The following PRIM2 variants were observed in gnomAD, a reference collection of about 807,000 sequenced individuals.
The protein encoded by PRIM2 is DNA primase large subunit.
PRIM2 carries 39 observed loss-of-function variants against 67.3 expected under a neutral mutation model. That is an observed-to-expected ratio of 0.58 (90% CI 0.45 to 0.76). The LOEUF (loss-of-function observed/expected upper bound fraction) is 0.76. Among genes scored for constraint, PRIM2 ranks in the 30% least tolerant of loss-of-function variants. The pLI, the probability that PRIM2 is intolerant of heterozygous loss-of-function variation, is 0.00. For missense variants in PRIM2, 398 were observed against 598.7 expected, an observed-to-expected ratio of 0.66 and a Z score of 3.50; for synonymous variants, 143 against 198.7, an observed-to-expected ratio of 0.72 and a Z score of 2.36.
At chr6:57,434,928 C>A (rs1771964944) in intron 7 of PRIM2, 1 of 150,730 alleles carries the variant, frequency 6.6e-6, no homozygotes, top group African/African-American at 2.4e-5. Flanking sequence ...GCACATGCCA[C>A]CATACTCAGC....
chr6:57,312,943 A>AT (rs879645787), upstream of PRIM2, among the ~76,000 whole-genome samples: 2 of 151,972 alleles, frequency 1.3e-5, no homozygotes, highest in African/African-American at 4.8e-5. Context: ...AGAATTGTCT[A>AT]TTTTTTTCTT....
At chr6:57,430,069 G>A (rs543826153) in intron 7 of PRIM2, among the ~76,000 whole-genome samples, 5 of 152,104 alleles carry the variant, frequency 3.3e-5, no homozygotes, top group African/African-American at 1.2e-4. Context: ...GGGGATAAAG[G>A]GCATTTGGTA....
the PRIM2 span, among the ~76,000 whole-genome samples, chr6:57,298,660 TGAG>T: frequency 6.6e-6 from 1 of 152,168 alleles, no homozygotes; most frequent in Non-Finnish European, 1.5e-5. Context: ...CTCCATATTA[TGAG>T]GAGGATTTTC....
intron 7 of PRIM2, among the ~76,000 whole-genome samples, chr6:57,458,025 C>T (rs1216324346): frequency 2.6e-5 from 4 of 152,142 alleles, no homozygotes; most frequent in African/African-American, 7.2e-5. Context: ...TTCCTTTGCT[C>T]GTTACACAGT....
chr6:57,506,185 G>A (rs1349069139), intron 7 of PRIM2, among the ~76,000 whole-genome samples: 1 of 150,794 alleles, frequency 6.6e-6, no homozygotes, highest in Non-Finnish European at 1.5e-5. Context: ...TGCTAAAATT[G>A]TAGCAGATTA....
chr6:57,438,434 A>G (rs914518066), intron 7 of PRIM2, among the ~76,000 whole-genome samples: 1 of 152,224 alleles, frequency 6.6e-6, no homozygotes, highest in Non-Finnish European at 1.5e-5. Context: ...TACATCTTCA[A>G]TAAAGAGCTG....
chr6:57,361,823 G>T (rs559820196), intron 5 of PRIM2, among the ~76,000 whole-genome samples: 2 of 152,276 alleles, frequency 1.3e-5, no homozygotes, highest in South Asian at 4.1e-4. Context: ...AGCAGGAAAA[G>T]ACTGATTTCA....
chr6:57,583,504 C>G (rs1175217721), intron 10 of PRIM2, among the ~76,000 whole-genome samples: 8 of 151,766 alleles, frequency 5.3e-5, no homozygotes, highest in Non-Finnish European at 1.2e-4. Flanking sequence ...AGGACATGAA[C>G]TCATCATTTC....
chr6:57,382,157 A>G lies in PRIM2; in HGVS notation c.682A>G (p.Lys228Glu). 4.3e-6 allele frequency: 7 copies of G among 1,613,134 alleles called. No homozygotes were observed. Among genetic ancestry groups the G allele is most frequent in the Non-Finnish European group, 5.9e-6 (7 of 1,179,380 alleles). The change falls in exon 7 of 14, where the codon AAG (lysine) becomes GAG (glutamate). Residue 228 changes from lysine to glutamate, a missense_variant. Lys to Glu is a moderately conservative substitution (Grantham distance 56). Around this residue, in one of 4 missense-constraint regions of PRIM2, gnomAD observed 229 missense variants for 383.6 expected, o/e 0.60. Coordinates refer to ENST00000615550, the MANE Select transcript of PRIM2 (RefSeq NM_000947.5). ...GAATGAATTTAGAGCCAAACTGTCC[A>G]AGGCTTTGGCAGTGAGTATTTTACT... ...ILNEFRAKLS[K>E]ALALTARSLP...
chr6:57,565,555 A>G (rs1775720431), intron 10 of PRIM2, among the ~76,000 whole-genome samples: 1 of 151,968 alleles, frequency 6.6e-6, no homozygotes, highest in African/African-American at 2.4e-5. Context: ...TCAGGCAGAC[A>G]GGAGAATTCT....
chr6:57,530,025 C>T (rs1218800583), intron 8 of PRIM2, among the ~76,000 whole-genome samples: 5 of 151,904 alleles, frequency 3.3e-5, no homozygotes. Context: ...TTTGTAAAGC[C>T]ACAAGTTTCC....
In PRIM2 at chr6:57,634,809, A is replaced by G. The variant is rs1469836757; in HGVS notation, c.1299+2608A>G. ...TGCCAATTTTTAAAACTTGCTTTAC[A>G]TTAATGAAGATTTTGGAAAGACATA... On this transcript the variant is annotated intron_variant, in intron 13 of 13. Transcript: ENST00000615550. 9.2e-5 allele frequency among the ~76,000 whole-genome samples: 14 copies of G among 152,276 alleles called. No homozygotes were observed. In the East Asian group the frequency reaches 2.5e-3, roughly 27 times the overall value.
At chr6:57,502,369 C>T (rs1774150817) in intron 7 of PRIM2, among the ~76,000 whole-genome samples, 1 of 152,202 alleles carries the variant, frequency 6.6e-6, no homozygotes, top group Non-Finnish European at 1.5e-5. Flanking sequence ...CCAACATTCC[C>T]TCCTGACAAG....
chr6:57,414,568 T>C (rs1489714991), intron 7 of PRIM2, among the ~76,000 whole-genome samples: 3 of 152,152 alleles, frequency 2.0e-5, no homozygotes, highest in Non-Finnish European at 4.4e-5. Flanking sequence ...AATTTTTATG[T>C]ACTTACAAAA....
the PRIM2 span, among the ~76,000 whole-genome samples, chr6:57,244,098 T>G: frequency 6.6e-6 from 1 of 152,174 alleles, no homozygotes. Flanking sequence ...CTGTGACGTC[T>G]GAGTTTGGGC....
At chr6:57,616,386 A>G (rs1776758320) in intron 12 of PRIM2, among the ~76,000 whole-genome samples, 1 of 152,136 alleles carries the variant, frequency 6.6e-6, no homozygotes, top group African/African-American at 2.4e-5. Context: ...TATGCCTGAC[A>G]GTGAAGCTGA....
chr6:57,520,178 T>C (rs1774582145), intron 8 of PRIM2, among the ~76,000 whole-genome samples: 1 of 152,084 alleles, frequency 6.6e-6, no homozygotes, highest in Non-Finnish European at 1.5e-5. Context: ...CTACCAAAGC[T>C]CCCAAAACAC....
chr6:57,320,490 A>C lies in PRIM2; in HGVS notation c.188A>C (p.Tyr63Ser). The C allele has an allele frequency of 1.9e-6, 3 of 1,609,576 alleles. No individual in the cohort carries two copies. Among genetic ancestry groups the C allele is most frequent in the Non-Finnish European group, 2.5e-6 (3 of 1,178,660 alleles). Residue 63 changes from tyrosine (Y) to serine (S), a missense_variant, in exon 3 of 14, where the codon TAT (tyrosine) becomes TCT (serine). By Grantham distance (144) the Tyr-to-Ser change is moderately radical (BLOSUM62 -2). Around this residue, in one of 4 missense-constraint regions of PRIM2, gnomAD observed 96 missense variants for 98.3 expected, o/e 0.98. Transcript: ENST00000615550. ...LKSVENLGVS[Y>S]VKGTEQYQSK... The stretch of plus-strand genomic sequence containing the variant: ...TCAGTTGAAAATCTTGGAGTGAGCT[A>C]TGTGAAAGGAACTGAACAATACCAG...
At chr6:57,335,199 T>G (rs1768188236) in intron 5 of PRIM2, among the ~76,000 whole-genome samples, 1 of 152,246 alleles carries the variant, frequency 6.6e-6, no homozygotes, top group African/African-American at 2.4e-5. Flanking sequence ...CGCACCTGGC[T>G]CGGAGGGTCC....
Sources: gnomAD v4.1 joint callset for allele counts (sites outside exome capture counted in the v4.1 genomes callset) on GRCh38, gnomAD v4.1.1 for gene constraint, gnomAD v4.1.1 regional missense constraint, MANE v1.5 for transcripts, NCBI Gene and HGNC (gene_info 2026-07-23, HGNC 2026-07-21) for gene names.